COX7B2: variants seen among roughly 807,000 people sequenced by gnomAD.
COX7B2 encodes cytochrome c oxidase subunit 7B2, mitochondrial.
For missense variants in COX7B2, 109 were observed against 95.9 expected (o/e 1.14, Z -0.57); for synonymous variants, 37 against 32.1 (o/e 1.15, Z -0.51).
intron 1 of COX7B2, among the ~76,000 whole-genome samples, chr4:46,881,070 G>A (rs1217636430): frequency 6.7e-6 from 1 of 149,102 alleles, no homozygotes; most frequent in East Asian, 2.0e-4. Flanking sequence ...CTTCAATTCA[G>A]CTCTAATTTT....
At chr4:46,849,926 G>T (rs1278876558) in intron 1 of COX7B2, among the ~76,000 whole-genome samples, 2 of 151,970 alleles carry the variant, frequency 1.3e-5, no homozygotes. Context: ...TGAAAATTAA[G>T]TCTAGCCCTG....
intron 2 of COX7B2, among the ~76,000 whole-genome samples, chr4:46,800,226 C>G (rs980902164): frequency 2.6e-5 from 4 of 151,704 alleles, no homozygotes; most frequent in African/African-American, 9.7e-5. Context: ...CTATTCATAT[C>G]AAACTACCAA....
At chr4:46,828,299 A>G (rs1047648038) in intron 2 of COX7B2, among the ~76,000 whole-genome samples, 1 of 152,182 alleles carries the variant, frequency 6.6e-6, no homozygotes, top group Non-Finnish European at 1.5e-5. Context: ...AACCCAATAG[A>G]AGGAGTTGAC....
intron 1 of COX7B2, among the ~76,000 whole-genome samples, chr4:46,882,343 C>T (rs138614650): frequency 2.5e-3 from 376 of 152,270 alleles, no homozygotes; most frequent in African/African-American, 8.5e-3. Context: ...GGTCCTGAAT[C>T]TTTGTTAATT....
intron 2 of COX7B2, among the ~76,000 whole-genome samples, chr4:46,818,937 A>T (rs914962917): frequency 7.9e-5 from 12 of 152,236 alleles, no homozygotes; most frequent in Non-Finnish European, 1.0e-4. Flanking sequence ...AGCATAAAAA[A>T]TTCTTTCTAC....
At chr4:46,737,650 C>G (rs571608059) in intron 2 of COX7B2, among the ~76,000 whole-genome samples, 20 of 152,036 alleles carry the variant, frequency 1.3e-4, no homozygotes, top group Admixed American at 1.3e-4. Context: ...TAGATAGTTA[C>G]AAGAAATCTG....
intron 2 of COX7B2, among the ~76,000 whole-genome samples, chr4:46,812,864 T>C (rs978035433): frequency 6.6e-6 from 1 of 152,148 alleles, no homozygotes; most frequent in Admixed American, 6.5e-5. Context: ...CTATGATGCT[T>C]AGAGGTACAG....
At chr4:46,874,514 C>T (rs1207648021) in intron 1 of COX7B2, among the ~76,000 whole-genome samples, 1 of 152,168 alleles carries the variant, frequency 6.6e-6, no homozygotes, top group South Asian at 2.1e-4. Context: ...TATTCCATTT[C>T]TGTAACTACC....
At chr4:46,775,311 G>A (rs1047822940) in intron 2 of COX7B2, among the ~76,000 whole-genome samples, 1 of 151,940 alleles carries the variant, frequency 6.6e-6, no homozygotes, top group African/African-American at 2.4e-5. Flanking sequence ...TTAGTGTTAC[G>A]GTCATATGTT....
chr4:46,821,090 G>T (rs888779936), intron 2 of COX7B2, among the ~76,000 whole-genome samples: 14 of 151,966 alleles, frequency 9.2e-5, no homozygotes, highest in African/African-American at 2.7e-4. Flanking sequence ...TCTGCGTTTC[G>T]TATCTGGTTG....
At chr4:46,877,122 A>G (rs375038146) in intron 1 of COX7B2, among the ~76,000 whole-genome samples, 182 of 152,328 alleles carry the variant, frequency 1.2e-3, no homozygotes, top group African/African-American at 4.0e-3. Flanking sequence ...CAAAATAGAC[A>G]TGAATTAAAG....
chr4:46,773,548 C>T (rs1233156620), intron 2 of COX7B2, among the ~76,000 whole-genome samples: 1 of 151,956 alleles, frequency 6.6e-6, no homozygotes, highest in Non-Finnish European at 1.5e-5. Flanking sequence ...TGGACTAATA[C>T]ATAAGGAAAA....
chr4:46,806,355 T>C (rs1376729500), intron 2 of COX7B2, among the ~76,000 whole-genome samples: 1 of 148,546 alleles, frequency 6.7e-6, no homozygotes, highest in Non-Finnish European at 1.5e-5. Context: ...AAAAATAAAG[T>C]AAAAAAAAAA....
intron 2 of COX7B2, among the ~76,000 whole-genome samples, chr4:46,766,706 G>GAAAAAAAAA: frequency 1.0e-5 from 1 of 96,588 alleles, no homozygotes. Flanking sequence ...GTCTCGAAAA[G>GAAAAAAAAA]AAAAAAAAAA....
chr4:46,805,950 G>C (rs899326053), intron 2 of COX7B2, among the ~76,000 whole-genome samples: 7 of 152,086 alleles, frequency 4.6e-5, no homozygotes, highest in African/African-American at 1.7e-4. Flanking sequence ...TGGGATCCAG[G>C]ATTTTTTCTT....
At chr4:46,890,997 T>G (rs990654778) in intron 1 of COX7B2, among the ~76,000 whole-genome samples, 4 of 152,204 alleles carry the variant, frequency 2.6e-5, no homozygotes, top group African/African-American at 7.2e-5. Context: ...GAGATGATGC[T>G]GTCTTGATGA....
chr4:46,751,624 A>G (rs1465980243), intron 2 of COX7B2, among the ~76,000 whole-genome samples: 1 of 152,124 alleles, frequency 6.6e-6, no homozygotes. Context: ...TACTTGTAGT[A>G]TGAGATAAAC....
chr4:46,908,017 C>T (rs1720513353), intron 1 of COX7B2, among the ~76,000 whole-genome samples: 1 of 151,868 alleles, frequency 6.6e-6, no homozygotes, highest in Non-Finnish European at 1.5e-5. Flanking sequence ...CCACGCCTGG[C>T]TAATTTTTGT....
At chr4:46,870,827 T>A (rs1276289467) in intron 1 of COX7B2, among the ~76,000 whole-genome samples, 1 of 151,958 alleles carries the variant, frequency 6.6e-6, no homozygotes, top group African/African-American at 2.4e-5. Flanking sequence ...CACTTGTAAT[T>A]GAATCATAGA....
Sources: allele counts gnomAD v4.1 joint callset (sites outside exome capture counted in the v4.1 genomes callset), GRCh38; gene constraint gnomAD v4.1.1; transcripts MANE v1.5; gene names NCBI Gene and HGNC (gene_info 2026-07-23, HGNC 2026-07-21).